RAB3GAP2: variants seen among roughly 807,000 people sequenced by gnomAD.
RAB3GAP2 encodes rab3 GTPase-activating protein non-catalytic subunit.
A neutral mutation model predicts 185.3 loss-of-function variants in RAB3GAP2; 87 were observed. The observed-to-expected ratio is 0.47, with a 90% confidence interval of 0.39 to 0.56. The LOEUF is 0.56. Ranked by LOEUF, RAB3GAP2 falls within the 20% of genes least tolerant of loss-of-function variation. The pLI, the probability that RAB3GAP2 is intolerant of heterozygous loss-of-function variation, is 0.00. For synonymous variants in RAB3GAP2, 554 were observed against 576.1 expected, an observed-to-expected ratio of 0.96 and a Z score of 0.55; for missense variants, 1,492 against 1,638.2, an observed-to-expected ratio of 0.91 and a Z score of 1.54.
At position 220,238,220 on chromosome 1, in the gene RAB3GAP2, T is replaced by A. The variant is rs553678691; in HGVS notation, c.116-5357A>T. The stretch of plus-strand genomic sequence containing the variant: ...CAAGCCTGGCTAATTTTTTTTCTCT[T>A]TTTTTGTAGAGATGAAGCCTTGCCA... On this transcript the variant is annotated intron_variant, in intron 1 of 34. Transcript: ENST00000358951. 1.8e-4 allele frequency among the ~76,000 whole-genome samples: 27 copies of A among 152,274 alleles called. 1 individual carries two copies. The South Asian group carries it at 5.6e-3, about 32-fold the overall frequency.
intron 26 of RAB3GAP2, 55 bp downstream of exon 26, chr1:220,167,238 G>T: frequency 6.8e-7 from 1 of 1,468,000 alleles, no homozygotes; most frequent in Non-Finnish European, 9.5e-7. Context: ...CCCCATATAT[G>T]AATAGCATGA....
chr1:220,195,133 C>T lies in RAB3GAP2; in HGVS notation c.1075G>A (p.Glu359Lys). ...TTCGGCTTTTGCTTTTGGACAGCTTCTTCTTCGTGCTTACTTTTCCAACCA... is the reference window on the plus strand; with the variant it reads ...TTCGGCTTTTGCTTTTGGACAGCTTTTTCTTCGTGCTTACTTTTCCAACCA... ...WLGWKSKHEE[E>K]AVQKQKPKVE... Residue 359 changes from glutamate to lysine, a missense_variant, in exon 12 of 35, where the codon GAA (glutamate) becomes AAA (lysine). This residue lies in a region of RAB3GAP2 where 243 missense variants were observed against 314.8 expected (regional missense o/e 0.77). Coordinates refer to ENST00000358951, the MANE Select transcript of RAB3GAP2 (RefSeq NM_012414.4). 6.2e-7 allele frequency: 1 copy of T among 1,614,134 alleles called. No homozygotes were observed. Among genetic ancestry groups the T allele is most frequent in the Non-Finnish European group, 8.5e-7 (1 of 1,179,990 alleles).
intron 24 of RAB3GAP2, among the ~76,000 whole-genome samples, chr1:220,167,968 A>G (rs755280581): frequency 1.3e-5 from 2 of 152,232 alleles, no homozygotes; most frequent in Non-Finnish European, 2.9e-5. Flanking sequence ...TAAGTTCAAA[A>G]TACACTTTAC....
intron 1 of RAB3GAP2, among the ~76,000 whole-genome samples, chr1:220,256,821 C>A (rs1231842437): frequency 6.6e-6 from 1 of 152,154 alleles, no homozygotes; most frequent in African/African-American, 2.4e-5. Context: ...TTAACACCAA[C>A]TGACAACATT....
At chr1:220,194,507 C>G (rs1658686452) in intron 12 of RAB3GAP2, among the ~76,000 whole-genome samples, 2 of 152,124 alleles carry the variant, frequency 1.3e-5, no homozygotes, top group South Asian at 2.1e-4. Flanking sequence ...ATTCTCCTGC[C>G]TCAGCCACCG....
At chr1:220,245,324 G>T (rs1553282721) in intron 1 of RAB3GAP2, among the ~76,000 whole-genome samples, 3 of 152,364 alleles carry the variant, frequency 2.0e-5, no homozygotes, top group South Asian at 2.1e-4. Context: ...CCATGCGCGA[G>T]CCGAAGCAGG....
At chr1:220,236,166 ATTTATT>A (rs139541481) in intron 1 of RAB3GAP2, among the ~76,000 whole-genome samples, 10,447 of 152,108 alleles carry the variant, frequency 0.069, 474 homozygotes, top group South Asian at 0.12. Flanking sequence ...CCTTGTGGCT[ATTTATT>A]TTTATTTTTT....
chr1:220,164,425 T>A (rs1224050440), intron 27 of RAB3GAP2, among the ~76,000 whole-genome samples: 2 of 151,048 alleles, frequency 1.3e-5, no homozygotes, highest in African/African-American at 4.9e-5. Flanking sequence ...CTTTTCCAAG[T>A]AGTTAAAATG....
chr1:220,214,252 G>C (rs908449642), intron 2 of RAB3GAP2, among the ~76,000 whole-genome samples: 14 of 152,048 alleles, frequency 9.2e-5, no homozygotes, highest in Admixed American at 2.6e-4. Context: ...ATGTCACATA[G>C]TGGCCAGGCA....
chr1:220,244,190 T>A (rs1388625889), intron 1 of RAB3GAP2, among the ~76,000 whole-genome samples: 1 of 152,212 alleles, frequency 6.6e-6, no homozygotes, highest in African/African-American at 2.4e-5. Context: ...CTGGATCTGA[T>A]AAGTGAATTC....
At position 220,158,226 on chromosome 1, in the gene RAB3GAP2, A is replaced by G. The variant is rs1025549862; in HGVS notation, c.3262-350T>C. Among the ~76,000 whole-genome samples the G allele has an allele frequency of 6.6e-6, 1 of 152,192 alleles. No homozygotes were observed. Among genetic ancestry groups the G allele is most frequent in the Non-Finnish European group, 1.5e-5 (1 of 68,034 alleles). On this transcript the variant is annotated intron_variant, in intron 29 of 34. Coordinates refer to ENST00000358951, the MANE Select transcript of RAB3GAP2 (RefSeq NM_012414.4). This position sits in a 1 kb window ranked among gnomAD's most constrained non-coding sequence, Gnocchi z 4.3. ...TCTGGTAGCCAAATAATCGTGGTAG[A>G]TGGAAGATACACACATGAGAATCTA...
intron 26 of RAB3GAP2, 68 bp from the exon 27 acceptor site, chr1:220,164,867 A>G (rs527329309): frequency 4.5e-5 from 65 of 1,429,918 alleles, no homozygotes; most frequent in African/African-American, 2.1e-4. Context: ...ACCATTATCA[A>G]TGGAGACTTC....
chr1:220,184,671 A>G (rs1658476670), intron 18 of RAB3GAP2, among the ~76,000 whole-genome samples: 1 of 152,176 alleles, frequency 6.6e-6, no homozygotes, highest in Admixed American at 6.5e-5. Context: ...ATGTTTATGT[A>G]GAACTTGAAA....
At chr1:220,187,659 T>C (rs561814516) in intron 17 of RAB3GAP2, among the ~76,000 whole-genome samples, 79 of 152,216 alleles carry the variant, frequency 5.2e-4, no homozygotes, top group Middle Eastern at 6.8e-3. Flanking sequence ...AGCTTCTGGA[T>C]AGCTGAACGT....
chr1:220,264,235 A>G (rs1167333794), intron 1 of RAB3GAP2, among the ~76,000 whole-genome samples: 1 of 152,120 alleles, frequency 6.6e-6, no homozygotes, highest in Non-Finnish European at 1.5e-5. Flanking sequence ...TTAAGTATTA[A>G]CATTTTTCTT....
intron 19 of RAB3GAP2, among the ~76,000 whole-genome samples, chr1:220,183,726 C>T (rs1327343921): frequency 6.6e-6 from 1 of 152,108 alleles, no homozygotes; most frequent in Non-Finnish European, 1.5e-5. Flanking sequence ...CTCATTGTAT[C>T]TACATATAAG....
chr1:220,240,852 C>A (rs916862818), intron 1 of RAB3GAP2, among the ~76,000 whole-genome samples: 6 of 151,942 alleles, frequency 3.9e-5, no homozygotes, highest in Non-Finnish European at 8.8e-5. Flanking sequence ...CCTGTTCTTA[C>A]CCTCACCAAG....
intron 8 of RAB3GAP2, 61 bp downstream of exon 8, chr1:220,205,846 C>A (rs565007612): frequency 1.7e-6 from 2 of 1,201,052 alleles, no homozygotes; most frequent in African/African-American, 1.5e-5. Context: ...ATTCCATAAG[C>A]AGGTGAAATT....
In RAB3GAP2 at chr1:220,150,509, C is replaced by T. The variant is rs140407045; in HGVS notation, c.*742G>A. On this transcript the variant is annotated 3_prime_UTR_variant, in exon 35 of 35. Transcript: ENST00000358951. ...CAAGATAATACATTTTTACAGTGAC[C>T]TGATGTGGATACAACTTTGCAACTT... The T allele has an allele frequency of 2.1e-5, 3 of 146,208 alleles. No individual in the cohort carries two copies. The East Asian group carries it at 6.1e-4, about 29-fold the overall frequency. 9.1% of individuals were successfully genotyped at this position (146,208 alleles called of 1,614,324 possible). A position where few individuals can be genotyped will look rare whatever the true frequency, so the allele number is the denominator to read the frequency against.
Sources: allele counts gnomAD v4.1 joint callset (sites outside exome capture counted in the v4.1 genomes callset), GRCh38; gene constraint gnomAD v4.1.1; regional missense constraint gnomAD v4.1.1; non-coding constraint Gnocchi (gnomAD v3.1); transcripts MANE v1.5; gene names NCBI Gene and HGNC (gene_info 2026-07-23, HGNC 2026-07-21).